Variants in LMLN observed in about 807,000 individuals in gnomAD.
LMLN encodes leishmanolysin-like peptidase.
In LMLN, 70 loss-of-function variants were observed where a neutral mutation model predicts 92.3. The ratio of observed to expected loss-of-function variants is 0.76; its 90% CI spans 0.63 to 0.92. The LOEUF (loss-of-function observed/expected upper bound fraction) is 0.92. Ranked by LOEUF, LMLN falls within the 40% of genes least tolerant of loss-of-function variation. The pLI, the probability that LMLN is intolerant of heterozygous loss-of-function variation, is 0.00. For synonymous variants in LMLN, 308 were observed against 296.2 expected, an observed-to-expected ratio of 1.04 and a Z score of -0.41; for missense variants, 691 against 814.6, an observed-to-expected ratio of 0.85 and a Z score of 1.85.
At chr3:197,995,055 TTTC>T (rs768805510) in intron 9 of LMLN, among the ~76,000 whole-genome samples, 51 of 152,210 alleles carry the variant, frequency 3.4e-4, no homozygotes, top group Non-Finnish European at 5.6e-4. Flanking sequence ...ATTTGTGGAC[TTTC>T]TGTCACCTCT....
chr3:197,981,521 T>C (rs1721557757), intron 6 of LMLN, among the ~76,000 whole-genome samples: 1 of 152,262 alleles, frequency 6.6e-6, no homozygotes, highest in African/African-American at 2.4e-5. Flanking sequence ...GTTCATCTAA[T>C]TGTCATGTAA....
rs1399597008 is a variant in LMLN at position 198,031,719 on chromosome 3, C to A, written c.1657-4114C>A. On this transcript the variant is annotated intron_variant, in intron 14 of 15. Transcript: ENST00000330198. This position sits in a 1 kb window ranked among gnomAD's most constrained non-coding sequence, Gnocchi z 4.8. ...AATTCTTAATTTTAACTTCGCATACCACATCCTCATCTGCCACAAGCCCCA... is the reference window on the plus strand; with the variant it reads ...AATTCTTAATTTTAACTTCGCATACAACATCCTCATCTGCCACAAGCCCCA... Among the ~76,000 whole-genome samples, 4 of 151,928 alleles carry A rather than the reference C, an allele frequency of 2.6e-5. No homozygotes were observed. The highest frequency in any genetic ancestry group is 5.9e-5 in the Non-Finnish European group (4 of 68,006).
chr3:198,014,763 T>A (rs1333506122), intron 11 of LMLN, among the ~76,000 whole-genome samples: 8 of 136,752 alleles, frequency 5.9e-5, no homozygotes, highest in African/African-American at 2.3e-4. Flanking sequence ...CTCTCCACCC[T>A]TCAGAGCCCC....
chr3:198,018,768 A>G lies in LMLN; in HGVS notation c.1233-485A>G, dbSNP rs1248340668. Among the ~76,000 whole-genome samples the G allele has an allele frequency of 3.9e-5, 6 of 152,244 alleles. 1 individual carries two copies. The highest frequency in any genetic ancestry group is 1.9e-4 in the East Asian group (1 of 5,202). ...ATTTAGGAATACTGAGATTTTATCT[A>G]TGAAGCTGCTATTGTGATATTAATA... On this transcript the variant is annotated intron_variant, in intron 11 of 15. Transcript: ENST00000330198.
intron 5 of LMLN, among the ~76,000 whole-genome samples, chr3:197,978,368 G>T (rs980599568): frequency 1.3e-4 from 20 of 152,270 alleles, no homozygotes; most frequent in Admixed American, 9.2e-4. Context: ...GGGCACAGTA[G>T]CTTACACCTG....
intron 6 of LMLN, among the ~76,000 whole-genome samples, chr3:197,981,677 T>C (rs74658471): frequency 0.065 from 9,840 of 152,266 alleles, 378 homozygotes; most frequent in African/African-American, 0.1. Context: ...TGTCACACAC[T>C]AGACAAATCA....
chr3:198,019,492 T>C lies in LMLN; in HGVS notation c.1365+107T>C. 8.7e-7 allele frequency: 1 copy of C among 1,143,864 alleles called. No homozygotes were observed. Among genetic ancestry groups the C allele is most frequent in the East Asian group, 2.5e-5 (1 of 39,316 alleles). The allele number at this position is 1,143,864 out of a possible 1,614,324, so 70.9% of individuals were successfully genotyped here. A position where few individuals can be genotyped will look rare whatever the true frequency, so the allele number is the denominator to read the frequency against. ...AAGATTCTTAATTTATAAGGCCTTG[T>C]TTGTTTTCTGTAAGTTAGAAAAAAA... On this transcript the variant is annotated intron_variant, in intron 12 of 15. Coordinates refer to ENST00000330198, the Ensembl canonical transcript of LMLN. This position sits in a 1 kb window ranked among gnomAD's most constrained non-coding sequence, Gnocchi z 5.5.
rs566392193 is a variant in LMLN at position 198,030,996 on chromosome 3, C to T, written c.1657-4837C>T. Among the ~76,000 whole-genome samples, 337 of 151,386 alleles carry T rather than the reference C, an allele frequency of 2.2e-3. 3 individuals are homozygous for T. The highest frequency in any genetic ancestry group is 8.0e-3 in the African/African-American group (330 of 41,230). On this transcript the variant is annotated intron_variant, in intron 14 of 15. Coordinates refer to ENST00000330198, the Ensembl canonical transcript of LMLN. ...GGTCCTCAGCTAGTTTCCACCGTGA[C>T]GCCTGCTGACAGCGTGGGAAGGCGG...
intron 9 of LMLN, among the ~76,000 whole-genome samples, chr3:197,992,965 C>T (rs1721917312): frequency 6.6e-6 from 1 of 152,148 alleles, no homozygotes; most frequent in Non-Finnish European, 1.5e-5. Context: ...CCCCAGGATG[C>T]AAGGATGGCT....
intron 4 of LMLN, 62 bp downstream of exon 4, chr3:197,976,173 T>C: frequency 2.0e-6 from 2 of 989,958 alleles, no homozygotes; most frequent in East Asian, 2.5e-5. Context: ...TTTCTCGTTC[T>C]ATGAACATGG....
Position 197,999,170 on chromosome 3 carries a change from G to T in LMLN, c.1156-96G>T, listed in dbSNP as rs933515696. 8 of 860,236 alleles carry T rather than the reference G, an allele frequency of 9.3e-6. No individual in the cohort carries two copies. The African/African-American group carries it at 1.3e-4, about 14-fold the overall frequency. The allele number at this position is 860,236 out of a possible 1,614,324, so 53.3% of individuals were successfully genotyped here. ...GTGAATGTCTTGTCAGCCTCTCACA[G>T]TTGAAACATTTTAAATATGTATATC... On this transcript the variant is annotated intron_variant, in intron 10 of 15. Transcript: ENST00000330198.
chr3:197,976,807 G>A, intron 5 of LMLN, 92 bp downstream of exon 5: 1 of 540,834 alleles, frequency 1.8e-6, no homozygotes, highest in Non-Finnish European at 3.3e-6. Context: ...AAGTTCAAAG[G>A]CTTAGTAGCT....
At chr3:197,972,525 A>G (rs1056949393) in intron 1 of LMLN, among the ~76,000 whole-genome samples, 7 of 152,140 alleles carry the variant, frequency 4.6e-5, no homozygotes, top group African/African-American at 1.7e-4. Context: ...TTTCAGCTGC[A>G]TTAAACTAGT....
chr3:197,976,425 A>T, intron 4 of LMLN, 173 bp from the exon 5 acceptor site: 1 of 534,034 alleles, frequency 1.9e-6, no homozygotes, highest in South Asian at 3.2e-5. Context: ...TTAAAAACCC[A>T]AATCAAGAGG....
intron 5 of LMLN, among the ~76,000 whole-genome samples, chr3:197,978,972 C>T (rs1255065437): frequency 6.6e-6 from 1 of 152,096 alleles, no homozygotes; most frequent in Non-Finnish European, 1.5e-5. Flanking sequence ...GCCTGGGCAA[C>T]AGAGCAAGAC....
chr3:197,989,849 C>T (rs1311592707), intron 8 of LMLN, among the ~76,000 whole-genome samples: 1 of 152,120 alleles, frequency 6.6e-6, no homozygotes, highest in Non-Finnish European at 1.5e-5. Context: ...CATAGCAGAT[C>T]TTGTCCCAAC....
At chr3:197,962,961 AAGAC>A (rs1720947033) in intron 1 of LMLN, among the ~76,000 whole-genome samples, 1 of 152,136 alleles carries the variant, frequency 6.6e-6, no homozygotes, top group South Asian at 2.1e-4. Flanking sequence ...GGGAGGCTCA[AAGAC>A]AGATCCATAT....
chr3:198,013,920 C>T (rs1173122855), intron 11 of LMLN, among the ~76,000 whole-genome samples: 11 of 133,518 alleles, frequency 8.2e-5, no homozygotes, highest in East Asian at 2.2e-4. Flanking sequence ...CTTCAGAGCC[C>T]CCTAACTAGT....
intron 12 of LMLN, among the ~76,000 whole-genome samples, chr3:198,020,893 G>A (rs1264003410): frequency 6.9e-6 from 1 of 145,886 alleles, no homozygotes; most frequent in African/African-American, 2.5e-5. Context: ...AAAGTGCTGG[G>A]ATTACAGGCG....
Sources: allele counts gnomAD v4.1 joint callset (sites outside exome capture counted in the v4.1 genomes callset), GRCh38; gene constraint gnomAD v4.1.1; non-coding constraint Gnocchi (gnomAD v3.1); transcripts MANE v1.5; gene names NCBI Gene and HGNC (gene_info 2026-07-23, HGNC 2026-07-21).